The following NBPF9 variants were observed in gnomAD, a reference collection of about 807,000 sequenced individuals.
NBPF9 encodes NBPF family member NBPF9.
A neutral mutation model predicts 97.8 loss-of-function variants in NBPF9; 91 were observed. The ratio of observed to expected loss-of-function variants is 0.93; its 90% CI spans 0.79 to 1.11. The LOEUF is 1.11. Among genes scored for constraint, NBPF9 ranks in the 50% least tolerant of loss-of-function variants. The probability of loss-of-function intolerance (pLI) is 0.00; values close to 1 mark genes in which losing one functional copy is unlikely to be tolerated. For synonymous variants in NBPF9, 334 were observed against 359.5 expected, an observed-to-expected ratio of 0.93 and a Z score of 0.80; for missense variants, 992 against 939.5, an observed-to-expected ratio of 1.06 and a Z score of -0.73.
At chr1:149,072,183 C>T (rs1295048268) in intron 14 of NBPF9, among the ~76,000 whole-genome samples, 7 of 151,218 alleles carry the variant, frequency 4.6e-5, no homozygotes, top group African/African-American at 1.2e-4. Context: ...TACCACAAAA[C>T]GCCCCCACAT....
At chr1:149,056,050 G>A (rs1372635466) in intron 29 of NBPF9, 151 bp from the exon 30 acceptor site, 76 of 1,519,194 alleles carry the variant, frequency 5.0e-5, no homozygotes, top group South Asian at 3.6e-4. Context: ...TTGCCTTTAT[G>A]TTGGGATAGA....
intron 18 of NBPF9, chr1:149,064,738 C>G (rs1191648362): frequency 9.7e-6 from 6 of 618,882 alleles, no homozygotes; most frequent in South Asian, 2.0e-5. Flanking sequence ...TTTATGTACA[C>G]AAATGCGCGA....
At position 149,063,639 on chromosome 1, in the gene NBPF9, T is replaced by A. The variant is rs781909017; in HGVS notation, c.2020A>T (p.Met674Leu). ...TTCATAGAAAGGTACTCACCATCCA[T>A]GTCAACAGCCAAGCCAACACGCTGT... Residue 674 changes from methionine to leucine, a missense_variant, in exon 20 of 30, where the codon ATG (methionine) becomes TTG (leucine). Physicochemically the swap from Met to Leu is conservative, Grantham distance 15 (BLOSUM62 2). Coordinates refer to ENST00000584027, the Ensembl canonical transcript of NBPF9. 2,456 of 614,424 alleles carry A rather than the reference T, an allele frequency of 4.0e-3. 5 individuals carry two copies. Among genetic ancestry groups the A allele is most frequent in the Non-Finnish European group, 5.5e-3 (1,925 of 352,866 alleles). 38.1% of individuals were successfully genotyped at this position (614,424 alleles called of 1,614,324 possible). A position where few individuals can be genotyped will look rare whatever the true frequency, so the allele number is the denominator to read the frequency against.
In NBPF9 at chr1:149,055,676, C is replaced by A. The variant is rs114576842; in HGVS notation, c.3316G>T (p.Glu1106Ter). 5 of 1,611,918 alleles carry A rather than the reference C, an allele frequency of 3.1e-6. No individual in the cohort carries two copies. The South Asian group carries it at 4.4e-5, about 14-fold the overall frequency. Reference sequence around the variant, plus strand: ...GCTGCTTATTGTGGGAATATGACTTCCATCTGGAACACCAGGTGGAGACTT... The same window carrying A: ...GCTGCTTATTGTGGGAATATGACTTACATCTGGAACACCAGGTGGAGACTT... The change falls in exon 30 of 30, where the codon GAA becomes TAA. Residue 1106 changes from glutamate (E) to a stop codon, truncating the protein, a stop_gained. Transcript: ENST00000584027. LOFTEE classifies it high-confidence loss of function.
At chr1:149,075,793 C>G in exon 12 of NBPF9, 1 of 1,585,992 alleles carries the variant, frequency 6.3e-7, no homozygotes, top group Non-Finnish European at 8.6e-7. Flanking sequence ...TTCATCTCTG[C>G]CTTCTCGCTG....
intron 3 of NBPF9, among the ~76,000 whole-genome samples, chr1:149,099,851 G>A (rs1419170809): frequency 2.2e-3 from 328 of 151,258 alleles, no homozygotes; most frequent in Non-Finnish European, 3.9e-3. Flanking sequence ...GCATAGTGGT[G>A]CATGCCTGTA....
chr1:149,073,859 A>C lies in NBPF9; in HGVS notation c.1000T>G (p.Cys334Gly), dbSNP rs782228465. 3.0e-5 allele frequency: 43 copies of C among 1,425,710 alleles called. 1 individual carries two copies. The highest frequency in any genetic ancestry group is 3.6e-5 in the Non-Finnish European group (37 of 1,022,052). 88.3% of individuals were successfully genotyped at this position (1,425,710 alleles called of 1,614,324 possible). Residue 334 changes from cysteine to glycine, a missense_variant, in exon 13 of 30, where the codon TGT becomes GGT. By Grantham distance (159) the Cys-to-Gly change is radical (BLOSUM62 -3). Around this residue, in one of 11 missense-constraint regions of NBPF9, gnomAD observed 187 missense variants for 149.6 expected, o/e 1.25. Transcript: ENST00000584027. ...AGCATAAATTTTATGAGGTCTTTACACTCTTCATACTCTGAGAAAAGACAG... is the reference window on the plus strand; with the variant it reads ...AGCATAAATTTTATGAGGTCTTTACCCTCTTCATACTCTGAGAAAAGACAG...
At chr1:149,076,854 C>A (rs2079917667) in intron 11 of NBPF9, among the ~76,000 whole-genome samples, 1 of 151,664 alleles carries the variant, frequency 6.6e-6, no homozygotes, top group Non-Finnish European at 1.5e-5. Context: ...GAGAGAGAGT[C>A]TAGCCTGACA....
At chr1:149,086,946 A>C (rs1360553670) in intron 5 of NBPF9, among the ~76,000 whole-genome samples, 1 of 152,092 alleles carries the variant, frequency 6.6e-6, no homozygotes, top group Admixed American at 6.5e-5. Context: ...TTTAACCTTT[A>C]AGAAACTGTT....
chr1:149,071,484 A>G (rs2079406747), intron 15 of NBPF9, 120 bp downstream of exon 15: 1 of 1,224,228 alleles, frequency 8.2e-7, no homozygotes, highest in Non-Finnish European at 1.2e-6. Context: ...GTTCAATTTC[A>G]CATACTGTGG....
chr1:149,097,387 A>G (rs1285306920), intron 4 of NBPF9, among the ~76,000 whole-genome samples: 5 of 152,064 alleles, frequency 3.3e-5, no homozygotes, highest in African/African-American at 9.7e-5. Context: ...CCTCTGGCCC[A>G]CTGTTGCCAG....
intron 20 of NBPF9, 125 bp downstream of exon 20, chr1:149,063,508 T>C (rs2078779905): frequency 1.4e-6 from 1 of 701,498 alleles, no homozygotes; most frequent in Non-Finnish European, 2.5e-6. Flanking sequence ...TCAACGTACA[T>C]GTGCCTATAG....
At chr1:149,077,028 C>G (rs1281908334) in intron 11 of NBPF9, among the ~76,000 whole-genome samples, 180 bp downstream of exon 11, 4 of 150,658 alleles carry the variant, frequency 2.7e-5, no homozygotes, top group Admixed American at 6.6e-5. Flanking sequence ...CTCCTGAACT[C>G]AAGTCATCGT....
intron 22 of NBPF9, 187 bp from the exon 23 acceptor site, chr1:149,061,570 G>A: frequency 2.9e-6 from 1 of 342,370 alleles, no homozygotes; most frequent in South Asian, 2.8e-5. Flanking sequence ...CAGAACCAAG[G>A]GTGAAATATC....
chr1:149,083,206 T>C (rs1443190760), intron 5 of NBPF9, among the ~76,000 whole-genome samples: 1 of 140,878 alleles, frequency 7.1e-6, no homozygotes. Flanking sequence ...TCCTATTGAT[T>C]GTATGATTAT....
exon 19 of NBPF9, chr1:149,064,480 G>A (rs28403880): frequency 2.2e-5 from 32 of 1,484,990 alleles, no homozygotes; most frequent in Non-Finnish European, 2.9e-5. Flanking sequence ...TCCCACCGAT[G>A]TCCTGCAAAT....
At chr1:149,099,204 A>G (rs1212264857) in intron 3 of NBPF9, among the ~76,000 whole-genome samples, 1 of 152,240 alleles carries the variant, frequency 6.6e-6, no homozygotes, top group African/African-American at 2.4e-5. Context: ...GCTTCTTTGG[A>G]ATCTCATCTA....
At chr1:149,086,320 G>C (rs1395312649) in intron 5 of NBPF9, among the ~76,000 whole-genome samples, 2 of 151,464 alleles carry the variant, frequency 1.3e-5, no homozygotes, top group Non-Finnish European at 2.9e-5. Context: ...ACAAAGGCTG[G>C]AATGTAACAA....
At chr1:149,072,849 C>T (rs61801874) in exon 14 of NBPF9, 106 of 1,603,814 alleles carry the variant, frequency 6.6e-5, no homozygotes, top group Middle Eastern at 2.3e-4. Context: ...ATTCAATGAG[C>T]GGGAGGCATC....
Sources: allele counts gnomAD v4.1 joint callset (sites outside exome capture counted in the v4.1 genomes callset), GRCh38; gene constraint gnomAD v4.1.1; regional missense constraint gnomAD v4.1.1; transcripts MANE v1.5; gene names NCBI Gene and HGNC (gene_info 2026-07-23, HGNC 2026-07-21).